The following TMEM132C variants were observed in gnomAD, a reference collection of about 807,000 sequenced individuals.
The protein encoded by TMEM132C is protein phosphatase 1, regulatory subunit 152.
TMEM132C carries 29 observed loss-of-function variants against 61.4 expected under a neutral mutation model. That is an observed-to-expected ratio of 0.47 (90% confidence interval 0.35 to 0.64). The LOEUF is 0.64. TMEM132C is among the 30% of genes least tolerant of loss of function. The pLI is 0.00. For missense variants in TMEM132C, 1,408 were observed against 1,476.9 expected, an observed-to-expected ratio of 0.95 and a Z score of 0.76; for synonymous variants, 656 against 633.1, an observed-to-expected ratio of 1.04 and a Z score of -0.54.
chr12:128,516,732 C>G lies in TMEM132C; in HGVS notation c.975-27225C>G, dbSNP rs1191382576. Among the ~76,000 whole-genome samples, 38 of 152,006 alleles carry G rather than the reference C, an allele frequency of 2.5e-4. 1 individual carries two copies. Among genetic ancestry groups the G allele is most frequent in the Admixed American group, 2.5e-3 (38 of 15,258 alleles). On this transcript the variant is annotated intron_variant, in intron 2 of 8. Coordinates refer to ENST00000435159, the MANE Select transcript of TMEM132C (RefSeq NM_001136103.3). ...TTCAAGACCAGGCTGGACAACATAG[C>G]AAGACTCCACCTCTACAAAAAAAAT...
At chr12:128,368,467 A>G (rs932203512) in intron 1 of TMEM132C, among the ~76,000 whole-genome samples, 3 of 152,192 alleles carry the variant, frequency 2.0e-5, no homozygotes, top group African/African-American at 7.2e-5. Context: ...AGCGAAGATG[A>G]TAAGAAGGTC....
At chr12:128,675,638 C>T (rs570326809) in intron 5 of TMEM132C, among the ~76,000 whole-genome samples, 3 of 152,160 alleles carry the variant, frequency 2.0e-5, no homozygotes, top group East Asian at 3.9e-4. Flanking sequence ...TCTCTCTTCC[C>T]ATCCTCTAGA....
intron 1 of TMEM132C, among the ~76,000 whole-genome samples, chr12:128,404,199 G>A (rs1875260255): frequency 6.6e-6 from 1 of 152,146 alleles, no homozygotes; most frequent in Non-Finnish European, 1.5e-5. Flanking sequence ...ATTATTTCAG[G>A]GGATGTTATT....
At chr12:128,417,636 C>T (rs1009442315) in intron 2 of TMEM132C, among the ~76,000 whole-genome samples, 2 of 152,112 alleles carry the variant, frequency 1.3e-5, no homozygotes, top group Non-Finnish European at 2.9e-5. Context: ...ATTGTAGTAC[C>T]TGCTTCGATG....
At chr12:128,641,308 G>A (rs1206336978) in intron 4 of TMEM132C, among the ~76,000 whole-genome samples, 1 of 152,190 alleles carries the variant, frequency 6.6e-6, no homozygotes, top group East Asian at 1.9e-4. Flanking sequence ...GTCCCTGTGA[G>A]ATCTGGAGTG....
intron 3 of TMEM132C, among the ~76,000 whole-genome samples, chr12:128,615,654 G>A (rs1359463195): frequency 6.6e-6 from 1 of 152,108 alleles, no homozygotes; most frequent in East Asian, 1.9e-4. Context: ...GTGAGCTATG[G>A]GGAGTAGCTA....
At position 128,431,856 on chromosome 12, in the gene TMEM132C, G is replaced by T. The variant is rs191044873; in HGVS notation, c.974+16236G>T. Among the ~76,000 whole-genome samples, 426 of 152,220 alleles carry T rather than the reference G, an allele frequency of 2.8e-3. 2 individuals are homozygous for T. The highest frequency in any genetic ancestry group is 9.7e-3 in the African/African-American group (405 of 41,554). ...ATCTAGCACTTTAGTAGCTAGAAGG[G>T]AGAAGACAATGCCTGGCTTTAAAGC... On this transcript the variant is annotated intron_variant, in intron 2 of 8. Coordinates refer to ENST00000435159, the MANE Select transcript of TMEM132C (RefSeq NM_001136103.3).
intron 2 of TMEM132C, among the ~76,000 whole-genome samples, chr12:128,530,547 G>A (rs947986445): frequency 1.4e-4 from 21 of 151,812 alleles, no homozygotes; most frequent in Non-Finnish European, 2.5e-4. Context: ...TTGTTCAAGC[G>A]CTTCTCCTGC....
At chr12:128,513,591 A>G (rs1872633164) in intron 2 of TMEM132C, among the ~76,000 whole-genome samples, 1 of 152,126 alleles carries the variant, frequency 6.6e-6, no homozygotes, top group South Asian at 2.1e-4. Context: ...GAGGGAAAGC[A>G]TCCTGGCTCT....
intron 3 of TMEM132C, among the ~76,000 whole-genome samples, chr12:128,602,524 C>T (rs1462045495): frequency 2.0e-5 from 3 of 152,232 alleles, no homozygotes; most frequent in Non-Finnish European, 2.9e-5. Context: ...TTCAGGTATT[C>T]ACCCTCTTGT....
chr12:128,673,382 A>G (rs1485114652), intron 5 of TMEM132C, among the ~76,000 whole-genome samples: 2 of 152,214 alleles, frequency 1.3e-5, no homozygotes, highest in Non-Finnish European at 2.9e-5. Context: ...CTGATCTCAG[A>G]CTTCCCAGTC....
intron 4 of TMEM132C, among the ~76,000 whole-genome samples, chr12:128,661,315 T>G (rs183744378): frequency 6.6e-6 from 1 of 152,278 alleles, no homozygotes; most frequent in African/African-American, 2.4e-5. Flanking sequence ...TGAGCATTAG[T>G]CACATCTACA....
rs138132355 is a variant in TMEM132C, at chr12:128,543,541, C to T, written c.975-416C>T. 2.0e-3 allele frequency among the ~76,000 whole-genome samples: 301 copies of T among 152,238 alleles called. 1 individual carries two copies. The highest frequency in any genetic ancestry group is 6.8e-3 in the African/African-American group (282 of 41,524). On this transcript the variant is annotated intron_variant, in intron 2 of 8. Transcript: ENST00000435159. ...ACGTTCCTCCTTTCTCCTCACTTCC[C>T]TACTGGATAACAACACCCCCCACAC...
chr12:128,511,914 C>T (rs1331916549), intron 2 of TMEM132C, among the ~76,000 whole-genome samples: 1 of 152,124 alleles, frequency 6.6e-6, no homozygotes, highest in African/African-American at 2.4e-5. Context: ...GGCTGGTGCA[C>T]CTGTCCTTTG....
chr12:128,578,008 A>G (rs954720546), intron 3 of TMEM132C, among the ~76,000 whole-genome samples: 2 of 152,168 alleles, frequency 1.3e-5, no homozygotes, highest in African/African-American at 2.4e-5. Context: ...ATTCAAATTA[A>G]CTCATTTTTT....
chr12:128,652,467 C>T (rs1490004646), intron 4 of TMEM132C, among the ~76,000 whole-genome samples: 2 of 152,238 alleles, frequency 1.3e-5, no homozygotes, highest in East Asian at 3.8e-4. Context: ...TAAGATGCAA[C>T]TCGCAAGGCA....
At chr12:128,641,961 ATT>A (rs34283461) in intron 4 of TMEM132C, among the ~76,000 whole-genome samples, 3,443 of 128,662 alleles carry the variant, frequency 0.027, 65 homozygotes, top group African/African-American at 0.059. Context: ...TGCCCGGCTA[ATT>A]TTTTTTTTTT....
At chr12:128,562,300 A>T (rs543876759) in intron 3 of TMEM132C, among the ~76,000 whole-genome samples, 435 of 152,302 alleles carry the variant, frequency 2.9e-3, no homozygotes, top group Non-Finnish European at 4.5e-3. Flanking sequence ...ACATAGAGAG[A>T]TTATCTTAAT....
intron 2 of TMEM132C, among the ~76,000 whole-genome samples, chr12:128,443,082 C>T (rs1381194800): frequency 6.6e-6 from 1 of 151,336 alleles, no homozygotes; most frequent in African/African-American, 2.4e-5. Flanking sequence ...TTTCAAATGG[C>T]TCATTAAAAA....
Sources: allele counts gnomAD v4.1 joint callset (sites outside exome capture counted in the v4.1 genomes callset), GRCh38; gene constraint gnomAD v4.1.1; transcripts MANE v1.5; gene names NCBI Gene and HGNC (gene_info 2026-07-23, HGNC 2026-07-21).